Variants in NSL1 observed in about 807,000 individuals in gnomAD.
NSL1 encodes NSL1 component of MIS12 kinetochore complex.
A neutral mutation model predicts 25.4 loss-of-function variants in NSL1; 11 were observed. That is an observed-to-expected ratio of 0.43 (90% confidence interval 0.27 to 0.72). The LOEUF is 0.72. Ranked by LOEUF, NSL1 falls within the 30% of genes least tolerant of loss-of-function variation. NSL1 has a pLI of 0.19. For missense variants in NSL1, 330 were observed against 342.7 expected, an observed-to-expected ratio of 0.96 and a Z score of 0.29; for synonymous variants, 118 against 120.6, an observed-to-expected ratio of 0.98 and a Z score of 0.14.
rs1056916870 is a variant in NSL1 at position 212,734,658 on chromosome 1, T to C, written c.*3750A>G. ...CTGGCTTTGCTTCTTTTATTCAATA[T>C]AGTATCTTTGATATTGATCCACATT... On this transcript the variant is annotated 3_prime_UTR_variant, in exon 6 of 6. Transcript: ENST00000366977. 1.3e-5 allele frequency among the ~76,000 whole-genome samples: 2 copies of C among 152,248 alleles called. No individual in the cohort carries two copies. Among genetic ancestry groups the C allele is most frequent in the Admixed American group, 6.5e-5 (1 of 15,278 alleles).
In NSL1 at chr1:212,736,851, A is replaced by C; in HGVS notation, c.*1557T>G. 1.0e-6 allele frequency: 1 copy of C among 985,416 alleles called. No homozygotes were observed. The highest frequency in any genetic ancestry group is 1.2e-6 in the Non-Finnish European group (1 of 829,890). The allele number at this position is 985,416 out of a possible 1,614,324, so 61.0% of individuals were successfully genotyped here. A position where few individuals can be genotyped will look rare whatever the true frequency, so the allele number is the denominator to read the frequency against. On this transcript the variant is annotated 3_prime_UTR_variant, in exon 6 of 6. Transcript: ENST00000366977. Reference sequence around the variant, plus strand: ...ATCTATCATGTCATTTAAAAACTCTATGTAGCACAATATACCTCTCTTAAA... The same window carrying C: ...ATCTATCATGTCATTTAAAAACTCTCTGTAGCACAATATACCTCTCTTAAA...
rs1658325520 is a variant in NSL1 at position 212,738,344 on chromosome 1, A to T, written c.*64T>A. 2 of 1,541,816 alleles carry T rather than the reference A, an allele frequency of 1.3e-6. No individual in the cohort carries two copies. The highest frequency in any genetic ancestry group is 1.7e-6 in the Non-Finnish European group (2 of 1,150,592). ...TCAAATGAAGTCTTATCTAGGTATTAATTAGGCTGTAATCTAAATGTTGAT... is the reference window on the plus strand; with the variant it reads ...TCAAATGAAGTCTTATCTAGGTATTTATTAGGCTGTAATCTAAATGTTGAT... On this transcript the variant is annotated 3_prime_UTR_variant, in exon 6 of 6. Transcript: ENST00000366977.
intron 1 of NSL1, among the ~76,000 whole-genome samples, chr1:212,789,052 T>C (rs1661065240): frequency 6.6e-6 from 1 of 152,230 alleles, no homozygotes; most frequent in Non-Finnish European, 1.5e-5. Flanking sequence ...AGAATTTTGC[T>C]TTATGCTACT....
chr1:212,734,672 T>C lies in NSL1; in HGVS notation c.*3736A>G, dbSNP rs1250692930. 1.3e-5 allele frequency among the ~76,000 whole-genome samples: 2 copies of C among 152,252 alleles called. No individual in the cohort carries two copies. The highest frequency in any genetic ancestry group is 4.8e-5 in the African/African-American group (2 of 41,464). On this transcript the variant is annotated 3_prime_UTR_variant, in exon 6 of 6. Transcript: ENST00000366977. ...TTTATTCAATATAGTATCTTTGATA[T>C]TGATCCACATTGTTATAACAGTAAT...
intron 4 of NSL1, among the ~76,000 whole-genome samples, chr1:212,752,347 G>T (rs189336411): frequency 9.9e-5 from 15 of 152,206 alleles, no homozygotes; most frequent in Non-Finnish European, 1.3e-4. Flanking sequence ...TTTGTGAGTG[G>T]CTACCTGTAA....
In NSL1 at chr1:212,731,982, C is replaced by T. The variant is rs1316763453; in HGVS notation, c.*6426G>A. The stretch of plus-strand genomic sequence containing the variant: ...CTAACTGTTCAGTGCCTGTGCTGTA[C>T]TAATTGCTAATTCCCATCCTTTAGC... On this transcript the variant is annotated 3_prime_UTR_variant, in exon 6 of 6. Transcript: ENST00000366977. 2 of 985,146 alleles carry T rather than the reference C, an allele frequency of 2.0e-6. No individual in the cohort carries two copies. The highest frequency in any genetic ancestry group is 2.4e-6 in the Non-Finnish European group (2 of 829,860). 61.0% of individuals were successfully genotyped at this position (985,146 alleles called of 1,614,324 possible).
intron 4 of NSL1, among the ~76,000 whole-genome samples, chr1:212,756,774 C>A (rs1242222832): frequency 6.6e-6 from 1 of 151,804 alleles, no homozygotes; most frequent in Non-Finnish European, 1.5e-5. Flanking sequence ...GAGCTGAGAG[C>A]GTGCCACTGC....
chr1:212,756,044 G>C (rs1659291613), intron 4 of NSL1, among the ~76,000 whole-genome samples: 2 of 152,084 alleles, frequency 1.3e-5, no homozygotes, highest in African/African-American at 4.8e-5. Context: ...TTCATACCAG[G>C]TTAATGTTGG....
chr1:212,737,645 G>A lies in NSL1; in HGVS notation c.*763C>T. 1.1e-6 allele frequency: 1 copy of A among 946,600 alleles called. No individual in the cohort carries two copies. The highest frequency in any genetic ancestry group is 1.3e-6 in the Non-Finnish European group (1 of 794,580). 58.6% of individuals were successfully genotyped at this position (946,600 alleles called of 1,614,324 possible). A position where few individuals can be genotyped will look rare whatever the true frequency, so the allele number is the denominator to read the frequency against. On this transcript the variant is annotated 3_prime_UTR_variant, in exon 6 of 6. Transcript: ENST00000366977. ...AGTGTATTAATCTGATATATATTTT[G>A]AACTGGAATGATTTGTAAAGAAATA...
intron 2 of NSL1, among the ~76,000 whole-genome samples, chr1:212,786,764 C>T (rs567761371): frequency 6.6e-5 from 10 of 151,696 alleles, no homozygotes; most frequent in South Asian, 4.2e-4. Context: ...GCTGAGATCG[C>T]GCCACTGCAC....
intron 4 of NSL1, among the ~76,000 whole-genome samples, chr1:212,761,751 C>G (rs1489358917): frequency 1.6e-4 from 24 of 151,996 alleles, no homozygotes; most frequent in Non-Finnish European, 2.9e-5. Flanking sequence ...AAAAACAATT[C>G]ATGATCTGAA....
intron 4 of NSL1, among the ~76,000 whole-genome samples, chr1:212,743,238 C>T (rs1002373366): frequency 7.2e-5 from 11 of 152,056 alleles, no homozygotes; most frequent in African/African-American, 2.7e-4. Flanking sequence ...GATCTCAGCT[C>T]ATTGCAACCT....
At chr1:212,763,145 G>T (rs1659651862) in intron 4 of NSL1, among the ~76,000 whole-genome samples, 1 of 152,150 alleles carries the variant, frequency 6.6e-6, no homozygotes, top group Non-Finnish European at 1.5e-5. Context: ...GTCGCCAACT[G>T]TGAAAGAGCT....
chr1:212,767,889 A>G (rs2102378104), intron 4 of NSL1, among the ~76,000 whole-genome samples: 1 of 152,340 alleles, frequency 6.6e-6, no homozygotes, highest in African/African-American at 2.4e-5. Flanking sequence ...TTACTCCTGC[A>G]AGAATGGCCA....
Position 212,787,629 on chromosome 1 carries a change from T to C in NSL1, c.243A>G (p.Glu81=). ...PALRDAQWTF[E]SAVQENISIN... The stretch of plus-strand genomic sequence containing the variant: ...TGCTGATATTCTCTTGCACAGCTGA[T>C]TCAAAAGTCTGCAATAAATTCACAG... Residue 81 remains glutamate (E), a synonymous_variant, in exon 2 of 6, where the codon GAA becomes GAG. Coordinates refer to ENST00000366977, the MANE Select transcript of NSL1 (RefSeq NM_015471.4). 6.3e-7 allele frequency: 1 copy of C among 1,597,206 alleles called. No homozygotes were observed. The highest frequency in any genetic ancestry group is 8.5e-7 in the Non-Finnish European group (1 of 1,172,992).
intron 4 of NSL1, among the ~76,000 whole-genome samples, chr1:212,781,205 T>G (rs187468790): frequency 3.9e-5 from 6 of 152,324 alleles, no homozygotes; most frequent in Non-Finnish European, 1.5e-5. Context: ...TAATACTACA[T>G]AATCAGAACA....
At chr1:212,755,717 G>A (rs946628369) in intron 4 of NSL1, among the ~76,000 whole-genome samples, 16 of 151,690 alleles carry the variant, frequency 1.1e-4, no homozygotes, top group Non-Finnish European at 1.9e-4. Context: ...ATTGGGAGGC[G>A]AAGTTATGGT....
chr1:212,738,354 T>TA lies in NSL1; in HGVS notation c.*53dup, dbSNP rs1658325882. 1.3e-6 allele frequency: 2 copies of TA among 1,554,526 alleles called. No homozygotes were observed. Among genetic ancestry groups the TA allele is most frequent in the Non-Finnish European group, 8.6e-7 (1 of 1,156,162 alleles). The stretch of plus-strand genomic sequence containing the variant: ...TCTTATCTAGGTATTAATTAGGCTG[T>TA]AATCTAAATGTTGATGGTGCCTATT... On this transcript the variant is annotated 3_prime_UTR_variant, in exon 6 of 6. Coordinates refer to ENST00000366977, the MANE Select transcript of NSL1 (RefSeq NM_015471.4).
intron 4 of NSL1, among the ~76,000 whole-genome samples, chr1:212,775,470 GA>G (rs1660316243): frequency 6.6e-6 from 1 of 152,038 alleles, no homozygotes; most frequent in African/African-American, 2.4e-5. Flanking sequence ...TCAGTATAAT[GA>G]ATGAGAGTAA....
Sources: gnomAD v4.1 joint callset for allele counts (sites outside exome capture counted in the v4.1 genomes callset) on GRCh38, gnomAD v4.1.1 for gene constraint, MANE v1.5 for transcripts, NCBI Gene and HGNC (gene_info 2026-07-23, HGNC 2026-07-21) for gene names.